Variants in ABCC4 observed in about 807,000 individuals in gnomAD.
ABCC4 encodes ATP-binding cassette sub-family C member 4.
A neutral mutation model predicts 168.5 loss-of-function variants in ABCC4; 102 were observed. That is an observed-to-expected ratio of 0.61 (90% CI 0.52 to 0.71). The LOEUF is 0.71. Among genes scored for constraint, ABCC4 ranks in the 30% least tolerant of loss-of-function variants. The pLI, the probability that ABCC4 is intolerant of heterozygous loss-of-function variation, is 0.00. For synonymous variants in ABCC4, 617 were observed against 590.7 expected (o/e 1.04, Z -0.65); for missense variants, 1,402 against 1,605.8 (o/e 0.87, Z 2.17).
intron 30 of ABCC4, among the ~76,000 whole-genome samples, chr13:95,034,284 T>C (rs1424643687): frequency 1.3e-5 from 2 of 152,248 alleles, no homozygotes; most frequent in East Asian, 3.9e-4. Flanking sequence ...ATGTGCTCTA[T>C]GCCTTTTTCT....
At chr13:95,043,457 T>G (rs1566366785) in intron 29 of ABCC4, 1 of 449,968 alleles carries the variant, frequency 2.2e-6, no homozygotes, top group East Asian at 3.2e-5. Flanking sequence ...TGGTAAACTT[T>G]TAACATATGA....
intron 4 of ABCC4, among the ~76,000 whole-genome samples, chr13:95,223,237 A>G (rs1396011570): frequency 6.6e-6 from 1 of 152,238 alleles, no homozygotes; most frequent in Non-Finnish European, 1.5e-5. Flanking sequence ...CATACAATGT[A>G]TCATCCAAAA....
chr13:95,127,228 G>A (rs1331701986), intron 19 of ABCC4, among the ~76,000 whole-genome samples: 1 of 152,052 alleles, frequency 6.6e-6, no homozygotes. Context: ...AGCATCTGAT[G>A]CTGTTCATCA....
intron 29 of ABCC4, among the ~76,000 whole-genome samples, chr13:95,040,868 A>G (rs185069021): frequency 2.0e-5 from 3 of 152,324 alleles, no homozygotes; most frequent in African/African-American, 7.2e-5. Context: ...AAAGAGCTAC[A>G]ATCTGAATTT....
chr13:95,179,887 T>C (rs1339737668), intron 11 of ABCC4, among the ~76,000 whole-genome samples: 2 of 152,144 alleles, frequency 1.3e-5, no homozygotes, highest in African/African-American at 4.8e-5. Flanking sequence ...AAACAAGAAT[T>C]AATAAACTCA....
chr13:95,168,072 TG>T (rs2037344736), intron 14 of ABCC4, among the ~76,000 whole-genome samples: 1 of 152,196 alleles, frequency 6.6e-6, no homozygotes, highest in East Asian at 1.9e-4. Context: ...TTCACCATGT[TG>T]GCCAGGTTGG....
At chr13:95,179,522 C>T (rs2037821084) in intron 11 of ABCC4, among the ~76,000 whole-genome samples, 1 of 152,258 alleles carries the variant, frequency 6.6e-6, no homozygotes, top group Non-Finnish European at 1.5e-5. Context: ...AAGCATAATA[C>T]TTTTTTTAAA....
intron 1 of ABCC4, among the ~76,000 whole-genome samples, chr13:95,272,255 A>G (rs2138884244): frequency 6.7e-6 from 1 of 148,362 alleles, no homozygotes; most frequent in African/African-American, 2.6e-5. Flanking sequence ...CACGTTGGCC[A>G]GGCTGGTCTC....
intron 1 of ABCC4, among the ~76,000 whole-genome samples, chr13:95,262,334 A>T (rs918025622): frequency 6.6e-6 from 1 of 152,360 alleles, no homozygotes; most frequent in Middle Eastern, 3.4e-3. Flanking sequence ...GAACCAGAAC[A>T]AAGCATGAGA....
At chr13:95,233,495 T>G (rs1196481968) in intron 4 of ABCC4, among the ~76,000 whole-genome samples, 1 of 151,812 alleles carries the variant, frequency 6.6e-6, no homozygotes, top group East Asian at 1.9e-4. Context: ...TGAAGACTAC[T>G]AGAGTTGGGA....
At chr13:95,212,799 A>AT (rs1303296947) in intron 4 of ABCC4, among the ~76,000 whole-genome samples, 5 of 152,192 alleles carry the variant, frequency 3.3e-5, no homozygotes, top group Admixed American at 3.3e-4. Context: ...TCCAGATAGG[A>AT]TAAAAAAAAT....
At chr13:95,186,275 A>T (rs1217841587) in intron 11 of ABCC4, among the ~76,000 whole-genome samples, 1 of 152,106 alleles carries the variant, frequency 6.6e-6, no homozygotes, top group Non-Finnish European at 1.5e-5. Flanking sequence ...GGCCAAGGGT[A>T]TGCATCAGAA....
Position 95,074,311 on chromosome 13 carries a change from C to T in ABCC4, c.2820G>A (p.Leu940=), listed in dbSNP as rs571337352. ...CAAACCAGCGGGACGTTGTCAAAAA[C>T]AAGAACCAAGCCTCTGAATTTGAGA... The part of the protein sequence containing the change: ...HQDLHSEAWF[L]FLTTSRWFAV... Residue 940 remains leucine, a synonymous_variant, in exon 23 of 31, where the codon TTG becomes TTA. Coordinates refer to ENST00000645237, the MANE Select transcript of ABCC4 (RefSeq NM_005845.5). The T allele has an allele frequency of 1.2e-6, 2 of 1,612,556 alleles. No individual in the cohort carries two copies. The highest frequency in any genetic ancestry group is 2.2e-5 in the South Asian group (2 of 90,718).
At chr13:95,268,116 C>A (rs947976247) in intron 1 of ABCC4, among the ~76,000 whole-genome samples, 3 of 152,166 alleles carry the variant, frequency 2.0e-5, no homozygotes, top group African/African-American at 7.2e-5. Flanking sequence ...AAGAAAAATT[C>A]TTCTGCCTTG....
At chr13:95,257,196 A>T (rs1367372203) in intron 1 of ABCC4, among the ~76,000 whole-genome samples, 7 of 152,266 alleles carry the variant, frequency 4.6e-5, no homozygotes, top group Non-Finnish European at 5.9e-5. Flanking sequence ...CAATAAAGTA[A>T]GCTAGAGAAA....
At chr13:95,299,713 G>A (rs559503509) in intron 1 of ABCC4, among the ~76,000 whole-genome samples, 13 of 152,206 alleles carry the variant, frequency 8.5e-5, no homozygotes, top group African/African-American at 2.9e-4. Flanking sequence ...ATAATAAAAG[G>A]CAATATCAAC....
intron 14 of ABCC4, among the ~76,000 whole-genome samples, chr13:95,168,738 A>G (rs1354917050): frequency 6.6e-6 from 1 of 152,198 alleles, no homozygotes; most frequent in East Asian, 1.9e-4. Flanking sequence ...GCAAGAGGCA[A>G]CAAGCCAAGG....
chr13:95,150,971 T>C (rs1276776657), intron 19 of ABCC4, among the ~76,000 whole-genome samples: 1 of 152,234 alleles, frequency 6.6e-6, no homozygotes, highest in Admixed American at 6.5e-5. Flanking sequence ...TGATTTCTTT[T>C]GAACACAATT....
At chr13:95,187,562 C>T (rs2038108612) in intron 10 of ABCC4, among the ~76,000 whole-genome samples, 1 of 152,194 alleles carries the variant, frequency 6.6e-6, no homozygotes, top group African/African-American at 2.4e-5. Flanking sequence ...CTAGATCACG[C>T]CACTGCACTC....
Sources: gnomAD v4.1 joint callset for allele counts (sites outside exome capture counted in the v4.1 genomes callset) on GRCh38, gnomAD v4.1.1 for gene constraint, MANE v1.5 for transcripts, NCBI Gene and HGNC (gene_info 2026-07-23, HGNC 2026-07-21) for gene names.